SEMA3D: variants seen among roughly 807,000 people sequenced by gnomAD.
SEMA3D encodes the protein semaphorin-3D.
A neutral mutation model predicts 100.1 loss-of-function variants in SEMA3D; 84 were observed. The ratio of observed to expected loss-of-function variants is 0.84; its 90% CI spans 0.70 to 1.01. The LOEUF is 1.01. Ranked by LOEUF, SEMA3D falls within the 50% of genes least tolerant of loss-of-function variation. The pLI, the probability that SEMA3D is intolerant of heterozygous loss-of-function variation, is 0.00. For synonymous variants in SEMA3D, 312 were observed against 320.7 expected (o/e 0.97, Z 0.29); for missense variants, 875 against 934.1 (o/e 0.94, Z 0.82).
At chr7:85,160,793 T>C (rs1245460851) in intron 1 of SEMA3D, among the ~76,000 whole-genome samples, 1 of 152,052 alleles carries the variant, frequency 6.6e-6, no homozygotes, top group African/African-American at 2.4e-5. Flanking sequence ...AAGCTCAACT[T>C]GGATGAGCAA....
At chr7:85,131,186 G>C (rs189526706) in intron 2 of SEMA3D, among the ~76,000 whole-genome samples, 7 of 152,196 alleles carry the variant, frequency 4.6e-5, no homozygotes, top group African/African-American at 1.4e-4. Context: ...TACAAGTACA[G>C]TTTGTAAGGC....
chr7:85,201,780 G>C, the SEMA3D span, among the ~76,000 whole-genome samples: 1 of 151,928 alleles, frequency 6.6e-6, no homozygotes, highest in Non-Finnish European at 1.5e-5. Context: ...GAGCTGGAGA[G>C]CGGTGATGCA....
intron 2 of SEMA3D, among the ~76,000 whole-genome samples, chr7:85,135,854 C>T (rs919696234): frequency 1.1e-4 from 17 of 151,060 alleles, no homozygotes; most frequent in African/African-American, 4.1e-4. Flanking sequence ...TCTACTTCTC[C>T]TTCTCTCTTC....
At chr7:85,008,902 A>C (rs956476115) in intron 17 of SEMA3D, among the ~76,000 whole-genome samples, 2 of 151,802 alleles carry the variant, frequency 1.3e-5, no homozygotes, top group African/African-American at 4.8e-5. Flanking sequence ...CCTGAAGGCT[A>C]TGCGTATAAG....
At chr7:85,133,038 T>C (rs1447414400) in intron 2 of SEMA3D, among the ~76,000 whole-genome samples, 1 of 151,970 alleles carries the variant, frequency 6.6e-6, no homozygotes, top group Non-Finnish European at 1.5e-5. Flanking sequence ...GTGAGACTAA[T>C]AAAGTGCCAG....
the SEMA3D span, among the ~76,000 whole-genome samples, chr7:85,224,307 T>C: frequency 6.6e-6 from 1 of 152,220 alleles, no homozygotes; most frequent in Admixed American, 6.5e-5. Flanking sequence ...CTCTTCTGAA[T>C]GCCTGCAGCA....
the SEMA3D span, among the ~76,000 whole-genome samples, chr7:85,236,314 TTTATTTA>T: frequency 6.7e-6 from 1 of 149,856 alleles, no homozygotes; most frequent in African/African-American, 2.5e-5. Context: ...TATTTATTTA[TTTATTTA>T]TTTAGAGATG....
intron 2 of SEMA3D, among the ~76,000 whole-genome samples, chr7:85,146,189 A>G (rs1305788712): frequency 1.3e-5 from 2 of 152,162 alleles, no homozygotes; most frequent in African/African-American, 4.8e-5. Flanking sequence ...CAGTTCTTTA[A>G]TGAGATATAT....
chr7:85,033,868 C>CAA (rs1445305283), intron 12 of SEMA3D, among the ~76,000 whole-genome samples: 12 of 151,196 alleles, frequency 7.9e-5, no homozygotes, highest in African/African-American at 2.9e-4. Flanking sequence ...TACACACACA[C>CAA]ACACACACAC....
At chr7:85,139,658 C>T (rs1300870438) in intron 2 of SEMA3D, among the ~76,000 whole-genome samples, 1 of 151,876 alleles carries the variant, frequency 6.6e-6, no homozygotes, top group Non-Finnish European at 1.5e-5. Flanking sequence ...TTTTAATATA[C>T]TTCATTATTT....
At chr7:85,068,760 T>TA (rs1234977306) in intron 6 of SEMA3D, among the ~76,000 whole-genome samples, 5 of 152,138 alleles carry the variant, frequency 3.3e-5, no homozygotes, top group Admixed American at 2.0e-4. Flanking sequence ...TAATAGTTTT[T>TA]AAAATTATAG....
rs971482766 is a variant in SEMA3D, at chr7:85,135,878, A to G, written c.-40-13947T>C. Among the ~76,000 whole-genome samples, 30 of 151,844 alleles carry G rather than the reference A, an allele frequency of 2.0e-4. 2 individuals are homozygous for G. In the East Asian group the frequency reaches 5.6e-3, roughly 28 times the overall value. On this transcript the variant is annotated intron_variant, in intron 2 of 18. Transcript: ENST00000284136. ...CCTTCTCTCTTCCTGTGAATTGTTG[A>G]GTTGTATCCAGAAGACAAAGCATAA...
At chr7:85,120,650 GAATGAGACTTCATCTCA>G (rs1336586099) in intron 3 of SEMA3D, among the ~76,000 whole-genome samples, 1 of 118,060 alleles carries the variant, frequency 8.5e-6, no homozygotes, top group Non-Finnish European at 1.7e-5. Flanking sequence ...CTGGGCAACA[GAATGAGACTTCATCTCA>G]AAAAAAAAAA....
chr7:85,211,530 G>A, the SEMA3D span, among the ~76,000 whole-genome samples: 1 of 152,000 alleles, frequency 6.6e-6, no homozygotes. Flanking sequence ...TAGGTTTGGG[G>A]CATCTATAGC....
chr7:85,188,145 G>A (rs1224069161), upstream of SEMA3D, among the ~76,000 whole-genome samples: 1 of 152,200 alleles, frequency 6.6e-6, no homozygotes, highest in Non-Finnish European at 1.5e-5. Context: ...AGGGGTGGAA[G>A]ACATTCTTCA....
intron 12 of SEMA3D, among the ~76,000 whole-genome samples, 182 bp from the exon 13 acceptor site, chr7:85,022,795 GT>G (rs2115855429): frequency 6.6e-6 from 1 of 151,828 alleles, no homozygotes; most frequent in South Asian, 2.1e-4. Context: ...TTTAAACCCA[GT>G]TTTCTCCTTC....
rs1245298140 is a variant in SEMA3D at position 84,997,321 on chromosome 7, T to G, written c.*2119A>C. On this transcript the variant is annotated 3_prime_UTR_variant, in exon 19 of 19. Transcript: ENST00000284136. Reference sequence around the variant, plus strand: ...AAATATTTGGAAATTTTTTTTAAATTAAAAATGTTCCCACTTAATTGCTTT... The same window carrying G: ...AAATATTTGGAAATTTTTTTTAAATGAAAAATGTTCCCACTTAATTGCTTT... The G allele has an allele frequency of 2.0e-5, 3 of 152,066 alleles. No individual in the cohort carries two copies. Among genetic ancestry groups the G allele is most frequent in the South Asian group, 2.1e-4 (1 of 4,834 alleles). The allele number at this position is 152,066 out of a possible 1,614,324, so 9.4% of individuals were successfully genotyped here. A position where few individuals can be genotyped will look rare whatever the true frequency, so the allele number is the denominator to read the frequency against.
intron 11 of SEMA3D, among the ~76,000 whole-genome samples, chr7:85,037,987 A>C (rs191230432): frequency 7.0e-6 from 1 of 143,406 alleles, no homozygotes; most frequent in Non-Finnish European, 1.5e-5. Context: ...ATAGGTGGGA[A>C]TTGAACAATG....
rs140849491 is a variant in SEMA3D at position 85,090,120 on chromosome 7, T to C, written c.312+7685A>G. ...AAGTTTAGTAAGCACTGATGTCTGG[T>C]GTCAAGGAACATTGCTTTTTCTTCC... On this transcript the variant is annotated intron_variant, in intron 4 of 18. Coordinates refer to ENST00000284136, the MANE Select transcript of SEMA3D (RefSeq NM_001384900.1). Among the ~76,000 whole-genome samples, 296 of 152,326 alleles carry C rather than the reference T, an allele frequency of 1.9e-3. 1 individual carries two copies. The highest frequency in any genetic ancestry group is 6.9e-3 in the African/African-American group (285 of 41,580).
Sources: allele counts gnomAD v4.1 joint callset (sites outside exome capture counted in the v4.1 genomes callset), GRCh38; gene constraint gnomAD v4.1.1; transcripts MANE v1.5; gene names NCBI Gene and HGNC (gene_info 2026-07-23, HGNC 2026-07-21).